Variants in CHCHD3 observed in about 807,000 individuals in gnomAD.
The protein encoded by CHCHD3 is MICOS complex subunit MIC19.
In CHCHD3, 20 loss-of-function variants were observed where a neutral mutation model predicts 38.2. That is an observed-to-expected ratio of 0.52 (90% CI 0.37 to 0.76). CHCHD3 has a LOEUF of 0.76. Among genes scored for constraint, CHCHD3 ranks in the 30% least tolerant of loss-of-function variants. The probability of loss-of-function intolerance (pLI) is 0.00; values close to 1 mark genes in which losing one functional copy is unlikely to be tolerated. For missense variants in CHCHD3, 245 were observed against 279.2 expected (o/e 0.88, Z 0.87); for synonymous variants, 82 against 100.0 (o/e 0.82, Z 1.07).
At chr7:132,899,839 C>G (rs538252803) in intron 4 of CHCHD3, among the ~76,000 whole-genome samples, 133 of 152,322 alleles carry the variant, frequency 8.7e-4, no homozygotes, top group African/African-American at 3.1e-3. Flanking sequence ...CCCTCTAACA[C>G]CCACATTTCA....
chr7:132,810,230 A>AT (rs1807033224), intron 6 of CHCHD3, among the ~76,000 whole-genome samples: 1 of 152,252 alleles, frequency 6.6e-6, no homozygotes, highest in South Asian at 2.1e-4. Context: ...TAAATTAAAT[A>AT]TAAAAACTAG....
intron 3 of CHCHD3, among the ~76,000 whole-genome samples, chr7:133,004,044 G>A (rs984061657): frequency 4.6e-5 from 7 of 151,544 alleles, no homozygotes; most frequent in African/African-American, 9.7e-5. Context: ...TGCAACCTCC[G>A]CCGTGGAGCG....
chr7:132,933,993 G>C (rs1328627140), intron 4 of CHCHD3, among the ~76,000 whole-genome samples: 1 of 152,184 alleles, frequency 6.6e-6, no homozygotes, highest in Non-Finnish European at 1.5e-5. Flanking sequence ...TTGCAGAAGT[G>C]AATAAAGCTG....
chr7:132,994,515 G>A (rs1391510518), intron 3 of CHCHD3, among the ~76,000 whole-genome samples: 1 of 152,174 alleles, frequency 6.6e-6, no homozygotes, highest in African/African-American at 2.4e-5. Flanking sequence ...GTTTTTGAAA[G>A]CTAGGAGTCT....
At chr7:132,893,692 C>T (rs578069576) in intron 4 of CHCHD3, among the ~76,000 whole-genome samples, 29 of 152,246 alleles carry the variant, frequency 1.9e-4, no homozygotes, top group South Asian at 4.2e-4. Flanking sequence ...ATCATGGGGG[C>T]GGTTTCCCAC....
At chr7:132,865,036 A>C (rs1417883653) in intron 5 of CHCHD3, among the ~76,000 whole-genome samples, 1 of 152,212 alleles carries the variant, frequency 6.6e-6, no homozygotes. Context: ...TCAATTTGTC[A>C]GATAAGGAGG....
chr7:132,940,193 G>A (rs1810730732), intron 4 of CHCHD3, among the ~76,000 whole-genome samples: 1 of 152,178 alleles, frequency 6.6e-6, no homozygotes, highest in Admixed American at 6.5e-5. Context: ...AATACTACAT[G>A]AGGCAATGCT....
intron 5 of CHCHD3, among the ~76,000 whole-genome samples, chr7:132,856,118 C>A (rs1808337774): frequency 1.3e-5 from 2 of 152,214 alleles, no homozygotes; most frequent in Admixed American, 6.5e-5. Flanking sequence ...CATGATGTCA[C>A]TTTCTCACAT....
At chr7:133,064,135 A>C (rs183553600) in intron 2 of CHCHD3, among the ~76,000 whole-genome samples, 1 of 152,374 alleles carries the variant, frequency 6.6e-6, no homozygotes, top group African/African-American at 2.4e-5. Flanking sequence ...CTACACTGTA[A>C]CATTAAATAT....
intron 4 of CHCHD3, among the ~76,000 whole-genome samples, chr7:132,887,911 C>T (rs1211798150): frequency 1.3e-5 from 2 of 151,526 alleles, no homozygotes; most frequent in African/African-American, 2.4e-5. Context: ...TAAAATATAC[C>T]TATGTACCAG....
chr7:132,971,853 T>A (rs556288445), intron 4 of CHCHD3, among the ~76,000 whole-genome samples: 15 of 152,320 alleles, frequency 9.8e-5, no homozygotes, highest in Admixed American at 2.6e-4. Context: ...GAATTAAGAA[T>A]GGCAGCAATA....
intron 1 of CHCHD3, among the ~76,000 whole-genome samples, chr7:133,080,517 T>C (rs749499928): frequency 7.9e-5 from 12 of 152,244 alleles, no homozygotes; most frequent in Non-Finnish European, 1.2e-4. Flanking sequence ...CTTTTAATTA[T>C]TTTTCACTCT....
intron 5 of CHCHD3, among the ~76,000 whole-genome samples, chr7:132,843,449 A>G (rs1807994280): frequency 6.6e-6 from 1 of 152,228 alleles, no homozygotes; most frequent in Non-Finnish European, 1.5e-5. Context: ...GTGAAAAAAA[A>G]TCAGTGTTTT....
At chr7:132,959,871 C>A (rs1289526669) in intron 4 of CHCHD3, among the ~76,000 whole-genome samples, 2 of 151,986 alleles carry the variant, frequency 1.3e-5, no homozygotes, top group Non-Finnish European at 2.9e-5. Context: ...AAGCTAAATA[C>A]CCCCTTTCAT....
rs1300313605 is a variant in CHCHD3, at chr7:132,975,169, C to T, written c.369G>A (p.Leu123=). Residue 123 remains leucine, a splice_region_variant and synonymous_variant, in exon 4 of 8, where the codon CTG becomes CTA. Coordinates refer to ENST00000262570, the MANE Select transcript of CHCHD3 (RefSeq NM_017812.4). ...SEEERAKAKH[L]ARQLEEKDRV... ...TTTCTCCTACATTTTTAATACTCAC[C>T]AGGTGCTTTGCCTTAGCGCGTTCCT... 1.9e-6 allele frequency: 3 copies of T among 1,610,182 alleles called. No homozygotes were observed. Among genetic ancestry groups the T allele is most frequent in the East Asian group, 2.2e-5 (1 of 44,880 alleles).
At chr7:132,859,752 T>A (rs1013323857) in intron 5 of CHCHD3, among the ~76,000 whole-genome samples, 2 of 152,162 alleles carry the variant, frequency 1.3e-5, no homozygotes, top group East Asian at 3.9e-4. Flanking sequence ...CCTTAAGAAG[T>A]AACCCCCAGT....
chr7:133,013,314 C>A (rs74349464), intron 3 of CHCHD3, among the ~76,000 whole-genome samples: 1 of 151,974 alleles, frequency 6.6e-6, no homozygotes, highest in East Asian at 1.9e-4. Context: ...ACTCCAGATG[C>A]CGACTGCCTG....
chr7:132,980,120 G>C (rs1310917928), intron 3 of CHCHD3, among the ~76,000 whole-genome samples: 3 of 152,170 alleles, frequency 2.0e-5, no homozygotes, highest in East Asian at 3.8e-4. Flanking sequence ...AAATAAGACA[G>C]CCCTGCCATC....
intron 4 of CHCHD3, among the ~76,000 whole-genome samples, chr7:132,911,276 G>A (rs1349955096): frequency 5.3e-5 from 8 of 152,194 alleles, no homozygotes; most frequent in Non-Finnish European, 1.0e-4. Context: ...AAGTAGCCAT[G>A]AGATGACTGG....
Sources: allele counts gnomAD v4.1 joint callset (sites outside exome capture counted in the v4.1 genomes callset), GRCh38; gene constraint gnomAD v4.1.1; transcripts MANE v1.5; gene names NCBI Gene and HGNC (gene_info 2026-07-23, HGNC 2026-07-21).